KCNQ1: variants seen among roughly 807,000 people sequenced by gnomAD.
The protein encoded by KCNQ1 is potassium voltage-gated channel subfamily KQT member 1.
KCNQ1 carries 49 observed loss-of-function variants against 72.4 expected under a neutral mutation model. The ratio of observed to expected loss-of-function variants is 0.68; its 90% CI spans 0.54 to 0.86. The LOEUF is 0.86. Among genes scored for constraint, KCNQ1 ranks in the 40% least tolerant of loss-of-function variants. The pLI is 0.00. For missense variants in KCNQ1, 790 were observed against 945.1 expected (o/e 0.84, Z 2.15); for synonymous variants, 450 against 412.6 (o/e 1.09, Z -1.10).
At chr11:2,729,322 G>A (rs1479916868) in intron 11 of KCNQ1, among the ~76,000 whole-genome samples, 2 of 152,262 alleles carry the variant, frequency 1.3e-5, no homozygotes, top group Non-Finnish European at 2.9e-5. Flanking sequence ...TACAATGGGG[G>A]TAATAAAGTC....
chr11:2,615,432 G>A (rs1191894175), intron 10 of KCNQ1: 2 of 397,828 alleles, frequency 5.0e-6, no homozygotes, highest in African/African-American at 2.1e-5. Context: ...AAAACTTTCA[G>A]TACATTGTTC....
intron 10 of KCNQ1, chr11:2,628,043 T>A (rs1849289092): frequency 2.5e-6 from 1 of 398,522 alleles, no homozygotes; most frequent in Non-Finnish European, 4.4e-6. Context: ...CAAGCCACCA[T>A]GCCTATGAAT....
intron 10 of KCNQ1, among the ~76,000 whole-genome samples, chr11:2,597,378 A>T (rs1387659519): frequency 6.6e-6 from 1 of 152,218 alleles, no homozygotes; most frequent in African/African-American, 2.4e-5. Context: ...CATCATCAGG[A>T]TATTGATTTC....
At chr11:2,561,367 C>T (rs1848164324) in intron 2 of KCNQ1, among the ~76,000 whole-genome samples, 1 of 152,188 alleles carries the variant, frequency 6.6e-6, no homozygotes, top group South Asian at 2.1e-4. Context: ...GTGCTGTGTG[C>T]AGCATGAGAG....
At chr11:2,693,914 A>C in intron 11 of KCNQ1, 1 of 398,756 alleles carries the variant, frequency 2.5e-6, no homozygotes, top group Non-Finnish European at 4.4e-6. Context: ...GTGTACTGCA[A>C]ACCTGGATCC....
intron 11 of KCNQ1, chr11:2,697,688 T>C (rs1850701756): frequency 2.5e-6 from 1 of 398,524 alleles, no homozygotes; most frequent in African/African-American, 2.1e-5. Context: ...GTTTCTGATA[T>C]TGGATCATCT....
rs146953612 is a variant in KCNQ1 at position 2,648,864 on chromosome 11, G to T, written c.1394-13097G>T. On this transcript the variant is annotated intron_variant, in intron 10 of 15. Coordinates refer to ENST00000155840, the MANE Select transcript of KCNQ1 (RefSeq NM_000218.3). ...TATCTCTTTAGCACTAATAATATTT[G>T]TTTAATATACCTGGGTACTCCAGTG... The T allele has an allele frequency of 2.9e-3, 1,150 of 397,446 alleles. 4 individuals are homozygous for T. Among genetic ancestry groups the T allele is most frequent in the Non-Finnish European group, 4.7e-3 (1,054 of 225,820 alleles). 24.6% of individuals were successfully genotyped at this position (397,446 alleles called of 1,614,324 possible).
rs11023673 is a variant in KCNQ1, at chr11:2,657,574, T to C, written c.1394-4387T>C. On this transcript the variant is annotated intron_variant, in intron 10 of 15. Transcript: ENST00000155840. The surrounding 1 kb of genome is among the most constrained non-coding windows in gnomAD (Gnocchi z 4.8). ...AGCTTCCCCTAATGTTAGCATCTTA[T>C]ATAACCATGGTACATTGACCAAAAC... 38,932 of 398,544 alleles carry C rather than the reference T, an allele frequency of 0.098. 2,006 individuals are homozygous for C. Among genetic ancestry groups the C allele is most frequent in the South Asian group, 0.13 (1,022 of 7,854 alleles). 24.7% of individuals were successfully genotyped at this position (398,544 alleles called of 1,614,324 possible).
intron 11 of KCNQ1, chr11:2,697,885 T>C (rs552992427): frequency 2.5e-6 from 1 of 398,662 alleles, no homozygotes; most frequent in African/African-American, 2.1e-5. Flanking sequence ...AAAATCCCTC[T>C]AGCTGGAGCA....
At position 2,683,640 on chromosome 11, in the gene KCNQ1, G is replaced by C; in HGVS notation, c.1514+21559G>C. On this transcript the variant is annotated intron_variant, in intron 11 of 15. Coordinates refer to ENST00000155840, the MANE Select transcript of KCNQ1 (RefSeq NM_000218.3). The surrounding 1 kb of genome is among the most constrained non-coding windows in gnomAD (Gnocchi z 4.7). ...TAGACAACTGGGCCCTGCATCTGCT[G>C]CAAGGAACATCCCTTACTTTCCCAT... 1 of 398,660 alleles carries C rather than the reference G, an allele frequency of 2.5e-6. No homozygotes were observed. The highest frequency in any genetic ancestry group is 4.4e-6 in the Non-Finnish European group (1 of 226,078). The allele number at this position is 398,660 out of a possible 1,614,324, so 24.7% of individuals were successfully genotyped here.
At chr11:2,540,099 G>A (rs1420910093) in intron 2 of KCNQ1, among the ~76,000 whole-genome samples, 1 of 152,134 alleles carries the variant, frequency 6.6e-6, no homozygotes, top group African/African-American at 2.4e-5. Flanking sequence ...TCCACCCTGT[G>A]GGGCCCACTG....
chr11:2,802,755 G>A (rs1847292723), intron 15 of KCNQ1, among the ~76,000 whole-genome samples: 1 of 152,200 alleles, frequency 6.6e-6, no homozygotes, highest in Non-Finnish European at 1.5e-5. Flanking sequence ...CCTGAAGACT[G>A]CGAGCTAGAG....
At position 2,484,139 on chromosome 11, in the gene KCNQ1, C is replaced by G. The variant is rs1222672644; in HGVS notation, c.386+38655C>G. On this transcript the variant is annotated intron_variant, in intron 1 of 15. Coordinates refer to ENST00000155840, the MANE Select transcript of KCNQ1 (RefSeq NM_000218.3). This position sits in a 1 kb window ranked among gnomAD's most constrained non-coding sequence, Gnocchi z 5.2. ...CTTCTTTTGTGTTATGGGCTATAAGCCAATGCTATTATTATTTATTTTCCT... is the reference window on the plus strand; with the variant it reads ...CTTCTTTTGTGTTATGGGCTATAAGGCAATGCTATTATTATTTATTTTCCT... Among the ~76,000 whole-genome samples, 1 of 152,070 alleles carries G rather than the reference C, an allele frequency of 6.6e-6. No individual in the cohort carries two copies. The highest frequency in any genetic ancestry group is 1.5e-5 in the Non-Finnish European group (1 of 68,008).
At position 2,711,313 on chromosome 11, in the gene KCNQ1, G is replaced by A. The variant is rs988739861; in HGVS notation, c.1514+49232G>A. On this transcript the variant is annotated intron_variant, in intron 11 of 15. Coordinates refer to ENST00000155840, the MANE Select transcript of KCNQ1 (RefSeq NM_000218.3). The surrounding 1 kb of genome is among the most constrained non-coding windows in gnomAD (Gnocchi z 5.4). The stretch of plus-strand genomic sequence containing the variant: ...TCTCTCCCCGACTCCAGGGCTCATG[G>A]CCCCTTTCAGGCCCTTGGCTTCTGG... Among the ~76,000 whole-genome samples, 10 of 152,118 alleles carry A rather than the reference G, an allele frequency of 6.6e-5. No homozygotes were observed. Among genetic ancestry groups the A allele is most frequent in the Non-Finnish European group, 1.5e-4 (10 of 68,020 alleles).
In KCNQ1 at chr11:2,620,999, A is replaced by G; in HGVS notation, c.1393+32145A>G. The G allele has an allele frequency of 2.5e-6, 1 of 393,712 alleles. No homozygotes were observed. The highest frequency in any genetic ancestry group is 4.4e-6 in the Non-Finnish European group (1 of 225,072). The allele number at this position is 393,712 out of a possible 1,614,324, so 24.4% of individuals were successfully genotyped here. A position where few individuals can be genotyped will look rare whatever the true frequency, so the allele number is the denominator to read the frequency against. On this transcript the variant is annotated intron_variant, in intron 10 of 15. Transcript: ENST00000155840. The surrounding 1 kb of genome is among the most constrained non-coding windows in gnomAD (Gnocchi z 4.5). ...TTTGTTTGTTTGTTTGTTTTTTGAG[A>G]AAGAGTCTTGCTCTGTCTCCCAGGC...
In KCNQ1 at chr11:2,624,116, A is replaced by T; in HGVS notation, c.1393+35262A>T. ...GTTTTGAATTTTGGCCATTCTAATA[A>T]GCGTGTAGATATATCACATTTCTTG... On this transcript the variant is annotated intron_variant, in intron 10 of 15. Coordinates refer to ENST00000155840, the MANE Select transcript of KCNQ1 (RefSeq NM_000218.3). The surrounding 1 kb of genome is among the most constrained non-coding windows in gnomAD (Gnocchi z 4.9). 2.5e-6 allele frequency: 1 copy of T among 398,528 alleles called. No individual in the cohort carries two copies. Among genetic ancestry groups the T allele is most frequent in the Non-Finnish European group, 4.4e-6 (1 of 226,036 alleles). The allele number at this position is 398,528 out of a possible 1,614,324, so 24.7% of individuals were successfully genotyped here.
Position 2,661,857 on chromosome 11 carries a change from A to G in KCNQ1, c.1394-104A>G. The G allele has an allele frequency of 6.9e-7, 1 of 1,457,304 alleles. No individual in the cohort carries two copies. The highest frequency in any genetic ancestry group is 9.6e-7 in the Non-Finnish European group (1 of 1,041,136). 90.3% of individuals were successfully genotyped at this position (1,457,304 alleles called of 1,614,324 possible). The stretch of plus-strand genomic sequence containing the variant: ...TGTCAGGGCTGGAGCTTCCAGGCAC[A>G]AGCTCCACTCCTCACCTGGCCCTGG... On this transcript the variant is annotated intron_variant, in intron 10 of 15. Transcript: ENST00000155840. This position sits in a 1 kb window ranked among gnomAD's most constrained non-coding sequence, Gnocchi z 5.9.
chr11:2,552,247 C>A (rs1299252451), intron 2 of KCNQ1, among the ~76,000 whole-genome samples: 1 of 151,848 alleles, frequency 6.6e-6, no homozygotes, highest in African/African-American at 2.4e-5. Context: ...TTGTTTAGAT[C>A]TGTGATTCAT....
At position 2,710,230 on chromosome 11, in the gene KCNQ1, C is replaced by T. The variant is rs749475763; in HGVS notation, c.1514+48149C>T. Among the ~76,000 whole-genome samples the T allele has an allele frequency of 2.0e-5, 3 of 152,100 alleles. No individual in the cohort carries two copies. Among genetic ancestry groups the T allele is most frequent in the African/African-American group, 4.8e-5 (2 of 41,416 alleles). ...CTAGTGGTTTTGATTTGCATTTCCC[C>T]GATGACTAATGATGTTGAGCATCTT... On this transcript the variant is annotated intron_variant, in intron 11 of 15. Transcript: ENST00000155840. This position sits in a 1 kb window ranked among gnomAD's most constrained non-coding sequence, Gnocchi z 4.1.
Sources: allele counts gnomAD v4.1 joint callset (sites outside exome capture counted in the v4.1 genomes callset), GRCh38; gene constraint gnomAD v4.1.1; non-coding constraint Gnocchi (gnomAD v3.1); transcripts MANE v1.5; gene names NCBI Gene and HGNC (gene_info 2026-07-23, HGNC 2026-07-21).